ERC2: variants seen among roughly 807,000 people sequenced by gnomAD.
ERC2 encodes ERC protein 2.
Under a neutral mutation model 114.8 loss-of-function variants are expected in ERC2, and 42 were observed. The ratio of observed to expected loss-of-function variants is 0.37; its 90% CI spans 0.29 to 0.47. The LOEUF is 0.47. Ranked by LOEUF, ERC2 falls within the 20% of genes least tolerant of loss-of-function variation. The pLI is 0.99. For missense variants in ERC2, 939 were observed against 1,150.7 expected, an observed-to-expected ratio of 0.82 and a Z score of 2.66; for synonymous variants, 454 against 425.5, an observed-to-expected ratio of 1.07 and a Z score of -0.82.
intron 6 of ERC2, among the ~76,000 whole-genome samples, chr3:56,087,613 G>A (rs1344354429): frequency 6.6e-6 from 1 of 152,088 alleles, no homozygotes; most frequent in Non-Finnish European, 1.5e-5. Context: ...AAAAACACCT[G>A]AGGGAGAAAA....
At chr3:55,724,683 T>C (rs929209892) in intron 15 of ERC2, among the ~76,000 whole-genome samples, 3 of 152,154 alleles carry the variant, frequency 2.0e-5, no homozygotes, top group African/African-American at 4.8e-5. Context: ...AAAATGTGAA[T>C]AGAAAAACAA....
intron 14 of ERC2, among the ~76,000 whole-genome samples, chr3:55,877,503 TTTTTA>T (rs1424283137): frequency 6.7e-6 from 1 of 149,524 alleles, no homozygotes; most frequent in Non-Finnish European, 1.5e-5. Context: ...CTTTTTTTAA[TTTTTA>T]TTTTTTCTTT....
intron 14 of ERC2, among the ~76,000 whole-genome samples, chr3:55,786,620 T>C (rs2069519161): frequency 6.6e-6 from 1 of 152,218 alleles, no homozygotes; most frequent in Admixed American, 6.5e-5. Context: ...ACTATTATTA[T>C]CCCCATTTAA....
chr3:56,110,596 G>A (rs1317863274), intron 6 of ERC2, among the ~76,000 whole-genome samples: 1 of 152,062 alleles, frequency 6.6e-6, no homozygotes. Context: ...AAGGAACATG[G>A]AAAGAATTTT....
chr3:55,591,932 C>T (rs1346567837), intron 17 of ERC2, among the ~76,000 whole-genome samples: 5 of 152,224 alleles, frequency 3.3e-5, no homozygotes, highest in African/African-American at 7.2e-5. Flanking sequence ...AATGCTGACA[C>T]ATAGCTTCTG....
In ERC2 at chr3:55,522,629, G is replaced by A. The variant is rs115104876; in HGVS notation, c.*40-11353C>T. ...CACATTTGCACAGTGCCAAAAAGCA[G>A]ACATACTCTCTGGTTTGAACTTATA... is the stretch of plus-strand genomic sequence containing the variant. On this transcript the variant is annotated intron_variant, in intron 17 of 17. Transcript: ENST00000288221. 8.6e-3 allele frequency among the ~76,000 whole-genome samples: 1,309 copies of A among 152,252 alleles called. 21 individuals are homozygous for A. Among genetic ancestry groups the A allele is most frequent in the African/African-American group, 0.03 (1,259 of 41,526 alleles).
rs140958635 is a variant in ERC2 at position 55,567,451 on chromosome 3, A to G, written c.*40-56175T>C. Among the ~76,000 whole-genome samples, 660 of 152,346 alleles carry G rather than the reference A, an allele frequency of 4.3e-3. 4 individuals are homozygous for G. Among genetic ancestry groups the G allele is most frequent in the Non-Finnish European group, 6.5e-3 (442 of 68,030 alleles). On this transcript the variant is annotated intron_variant, in intron 17 of 17. Coordinates refer to ENST00000288221, the MANE Select transcript of ERC2 (RefSeq NM_015576.3). ...TCATAAGTCATTTGGATTGCATCCA[A>G]ATAAAATGAGATTCCACTGGAGGGT...
intron 9 of ERC2, 56 bp from the exon 10 acceptor site, chr3:56,007,377 T>G: frequency 6.7e-7 from 1 of 1,484,912 alleles, no homozygotes; most frequent in African/African-American, 1.4e-5. Flanking sequence ...TAGCAATGCC[T>G]TCAATTTGAA....
chr3:56,174,939 C>T lies in ERC2; in HGVS notation c.1075-1419G>A, dbSNP rs1254294852. 3.3e-5 allele frequency among the ~76,000 whole-genome samples: 5 copies of T among 150,548 alleles called. No homozygotes were observed. The Admixed American group carries it at 3.3e-4, about 10-fold the overall frequency. ...ATTGCAGTGAGCCGAGATCACGCCA[C>T]TGCACCCCAGCCTGGTGATGGAACG... On this transcript the variant is annotated intron_variant, in intron 3 of 17. Coordinates refer to ENST00000288221, the MANE Select transcript of ERC2 (RefSeq NM_015576.3).
At chr3:55,885,413 C>G (rs1372515230) in intron 14 of ERC2, among the ~76,000 whole-genome samples, 2 of 152,176 alleles carry the variant, frequency 1.3e-5, no homozygotes, top group Non-Finnish European at 2.9e-5. Flanking sequence ...CTCCCATAGT[C>G]CCAGGGCAGA....
intron 7 of ERC2, among the ~76,000 whole-genome samples, chr3:56,023,932 A>G (rs1276690715): frequency 6.6e-6 from 1 of 152,206 alleles, no homozygotes; most frequent in Non-Finnish European, 1.5e-5. Context: ...GAGAAAGTCT[A>G]TACATAGCTT....
At chr3:56,056,364 T>G (rs1382721550) in intron 7 of ERC2, among the ~76,000 whole-genome samples, 2 of 152,218 alleles carry the variant, frequency 1.3e-5, no homozygotes, top group African/African-American at 2.4e-5. Flanking sequence ...GCTATGACTT[T>G]GTTTCTCTTG....
chr3:55,528,826 G>C (rs1218504567), intron 17 of ERC2, among the ~76,000 whole-genome samples: 2 of 152,146 alleles, frequency 1.3e-5, no homozygotes, highest in Admixed American at 6.5e-5. Context: ...TCAGATGCCA[G>C]TAGTACCCTA....
intron 6 of ERC2, among the ~76,000 whole-genome samples, chr3:56,085,135 C>A (rs377577601): frequency 6.6e-6 from 1 of 152,038 alleles, no homozygotes; most frequent in Non-Finnish European, 1.5e-5. Flanking sequence ...TGGTAGAATG[C>A]GTCAGGGAAG....
intron 17 of ERC2, among the ~76,000 whole-genome samples, chr3:55,655,591 C>T (rs1036202931): frequency 2.0e-4 from 30 of 152,178 alleles, no homozygotes; most frequent in African/African-American, 6.8e-4. Context: ...CCCCTCTAAC[C>T]AAGCCTCCCT....
chr3:56,084,414 A>G lies in ERC2; in HGVS notation c.1474-3430T>C, dbSNP rs550954935. The stretch of plus-strand genomic sequence containing the variant: ...AAAAGATACCTGTATGTGTATGTTT[A>G]TCACAGCACAATTCACATTTGCAAA... On this transcript the variant is annotated intron_variant, in intron 6 of 17. Coordinates refer to ENST00000288221, the MANE Select transcript of ERC2 (RefSeq NM_015576.3). Among the ~76,000 whole-genome samples, 128 of 152,366 alleles carry G rather than the reference A, an allele frequency of 8.4e-4. 1 individual carries two copies. The highest frequency in any genetic ancestry group is 3.0e-3 in the African/African-American group (123 of 41,588).
intron 11 of ERC2, 60 bp downstream of exon 11, chr3:55,991,997 G>A (rs937470334): frequency 1.3e-6 from 2 of 1,485,894 alleles, no homozygotes; most frequent in African/African-American, 2.8e-5. Flanking sequence ...AACCGGAGAT[G>A]GGCAACCACG....
intron 3 of ERC2, among the ~76,000 whole-genome samples, chr3:56,186,131 A>AAG (rs1403590848): frequency 1.3e-5 from 2 of 148,598 alleles, no homozygotes; most frequent in Non-Finnish European, 3.0e-5. Context: ...AAAAAAAAAA[A>AAG]AAAAAAAAAA....
chr3:55,722,771 A>T (rs1245647610), intron 15 of ERC2, among the ~76,000 whole-genome samples: 1 of 152,124 alleles, frequency 6.6e-6, no homozygotes, highest in Non-Finnish European at 1.5e-5. Context: ...CTGTTTACTG[A>T]TCACTTGCAC....
Sources: gnomAD v4.1 joint callset for allele counts (sites outside exome capture counted in the v4.1 genomes callset) on GRCh38, gnomAD v4.1.1 for gene constraint, MANE v1.5 for transcripts, NCBI Gene and HGNC (gene_info 2026-07-23, HGNC 2026-07-21) for gene names.